The following NEDD4L variants were observed in gnomAD, a reference collection of about 807,000 sequenced individuals.
NEDD4L encodes NEDD4 like E3 ubiquitin protein ligase.
In NEDD4L, 54 loss-of-function variants were observed where a neutral mutation model predicts 148.9. That is an observed-to-expected ratio of 0.36 (90% CI 0.29 to 0.45). The LOEUF (loss-of-function observed/expected upper bound fraction) is 0.45. NEDD4L is among the 20% of genes least tolerant of loss of function. The pLI, the probability that NEDD4L is intolerant of heterozygous loss-of-function variation, is 1.00. For synonymous variants in NEDD4L, 433 were observed against 440.7 expected (o/e 0.98, Z 0.22); for missense variants, 856 against 1,233.8 (o/e 0.69, Z 4.59).
At chr18:58,322,281 A>G in intron 6 of NEDD4L, 144 bp from the exon 7 acceptor site, 1 of 671,592 alleles carries the variant, frequency 1.5e-6, no homozygotes, top group Non-Finnish European at 2.7e-6. Context: ...AGTTCCGTGG[A>G]CTGTCAGGTA....
chr18:58,185,072 T>C (rs1177641017), intron 2 of NEDD4L, among the ~76,000 whole-genome samples: 13 of 152,238 alleles, frequency 8.5e-5, no homozygotes, highest in Admixed American at 8.5e-4. Context: ...GCGTTAGTCA[T>C]GGTCCTTGCT....
chr18:58,234,335 C>T (rs2045742331), intron 2 of NEDD4L, among the ~76,000 whole-genome samples: 1 of 139,164 alleles, frequency 7.2e-6, no homozygotes, highest in African/African-American at 2.7e-5. Context: ...TCTCTCCCTC[C>T]CTCCCTCCTT....
chr18:58,073,706 G>C (rs929979566), intron 1 of NEDD4L, among the ~76,000 whole-genome samples: 6 of 152,158 alleles, frequency 3.9e-5, no homozygotes, highest in African/African-American at 1.2e-4. Flanking sequence ...GGTGGGAGGG[G>C]AGAATAGGGT....
chr18:58,378,635 G>A (rs745599706), intron 24 of NEDD4L, among the ~76,000 whole-genome samples: 14 of 152,318 alleles, frequency 9.2e-5, no homozygotes, highest in Admixed American at 2.6e-4. Flanking sequence ...AGGAAGGCCT[G>A]GTTGGTGGAG....
chr18:58,392,510 G>A (rs991824410), intron 30 of NEDD4L, among the ~76,000 whole-genome samples: 2 of 152,014 alleles, frequency 1.3e-5, no homozygotes, highest in Admixed American at 6.5e-5. Context: ...CACTTCTGTC[G>A]GATTCCCTTG....
chr18:58,132,461 G>GTACT (rs2032290467), intron 1 of NEDD4L, among the ~76,000 whole-genome samples: 1 of 152,294 alleles, frequency 6.6e-6, no homozygotes, highest in Admixed American at 6.5e-5. Context: ...ATCACAAAAG[G>GTACT]TACTTCAATA....
At chr18:58,093,935 T>C (rs1197327064) in intron 1 of NEDD4L, among the ~76,000 whole-genome samples, 1 of 152,176 alleles carries the variant, frequency 6.6e-6, no homozygotes. Context: ...CAGTCCCAGC[T>C]CCAGGGGCTT....
At chr18:58,380,551 C>T (rs1056214756) in intron 24 of NEDD4L, among the ~76,000 whole-genome samples, 3 of 152,076 alleles carry the variant, frequency 2.0e-5, no homozygotes, top group Admixed American at 1.3e-4. Context: ...CTCCTGACCT[C>T]GTGATCTGCC....
At chr18:58,056,892 C>G (rs1019572761) in intron 1 of NEDD4L, among the ~76,000 whole-genome samples, 13 of 51,040 alleles carry the variant, frequency 2.5e-4, no homozygotes, top group Admixed American at 9.4e-4. Flanking sequence ...GAGCTATGCC[C>G]TCTTTTTTTT....
rs568286817 is a variant in NEDD4L, at chr18:58,400,943, A to G, written c.*4674A>G. 5 of 152,292 alleles carry G rather than the reference A, an allele frequency of 3.3e-5. No individual in the cohort carries two copies. The highest frequency in any genetic ancestry group is 1.2e-4 in the African/African-American group (5 of 41,550). 9.4% of individuals were successfully genotyped at this position (152,292 alleles called of 1,614,324 possible). ...ATATGCTGTCCAAATATATTTGTAT[A>G]TATTTGTATAGCATTTTTACACCTT... On this transcript the variant is annotated 3_prime_UTR_variant, in exon 31 of 31. Transcript: ENST00000400345.
chr18:58,331,393 C>A (rs2059776690), intron 11 of NEDD4L, among the ~76,000 whole-genome samples: 1 of 152,170 alleles, frequency 6.6e-6, no homozygotes, highest in South Asian at 2.1e-4. Flanking sequence ...AGTGGCTCAT[C>A]CAAGACAAGG....
intron 1 of NEDD4L, among the ~76,000 whole-genome samples, chr18:58,150,642 T>G (rs1246787325): frequency 6.6e-6 from 1 of 152,250 alleles, no homozygotes; most frequent in Non-Finnish European, 1.5e-5. Context: ...GTTAGATAGA[T>G]CTAGCTTTGA....
At chr18:58,092,190 G>A (rs1357375652) in intron 1 of NEDD4L, among the ~76,000 whole-genome samples, 1 of 152,252 alleles carries the variant, frequency 6.6e-6, no homozygotes, top group African/African-American at 2.4e-5. Flanking sequence ...CTTCGGGGGA[G>A]GTCCTTTCAT....
intron 5 of NEDD4L, among the ~76,000 whole-genome samples, chr18:58,283,518 T>G (rs908481762): frequency 2.0e-5 from 3 of 152,152 alleles, no homozygotes; most frequent in African/African-American, 4.8e-5. Flanking sequence ...AGGAGAGAGA[T>G]ATGCAATATT....
intron 1 of NEDD4L, among the ~76,000 whole-genome samples, chr18:58,153,687 C>T (rs945696772): frequency 6.6e-6 from 1 of 151,552 alleles, no homozygotes; most frequent in Non-Finnish European, 1.5e-5. Flanking sequence ...CGCTCTGTCC[C>T]CCAGGCTGGA....
intron 22 of NEDD4L, among the ~76,000 whole-genome samples, chr18:58,368,215 A>G (rs1394193029): frequency 6.6e-6 from 1 of 151,866 alleles, no homozygotes; most frequent in Non-Finnish European, 1.5e-5. Context: ...GATCTCATCT[A>G]TCTAATATCC....
At chr18:58,334,308 C>G (rs12605506) in intron 12 of NEDD4L, among the ~76,000 whole-genome samples, 48,299 of 152,078 alleles carry the variant, frequency 0.32, 7,950 homozygotes, top group Middle Eastern at 0.44. Context: ...TCCTAATGAC[C>G]TGAAGTCTGA....
chr18:58,212,740 G>A (rs574714978), intron 2 of NEDD4L, among the ~76,000 whole-genome samples: 4 of 151,768 alleles, frequency 2.6e-5, no homozygotes, highest in Admixed American at 2.0e-4. Context: ...CAAAGTGCTG[G>A]GATTAACAGG....
intron 11 of NEDD4L, among the ~76,000 whole-genome samples, chr18:58,332,476 C>T (rs957770890): frequency 6.6e-5 from 10 of 152,096 alleles, no homozygotes; most frequent in South Asian, 6.3e-4. Context: ...GGTGAAACCC[C>T]GTCTCTACTA....
Sources: gnomAD v4.1 joint callset for allele counts (sites outside exome capture counted in the v4.1 genomes callset) on GRCh38, gnomAD v4.1.1 for gene constraint, MANE v1.5 for transcripts, NCBI Gene and HGNC (gene_info 2026-07-23, HGNC 2026-07-21) for gene names.